Variants in BCORL1 observed in about 807,000 individuals in gnomAD.
BCORL1 encodes the protein BCL-6 corepressor-like protein 1.
A neutral mutation model predicts 87.6 loss-of-function variants in BCORL1; 7 were observed. That is an observed-to-expected ratio of 0.08 (90% CI 0.05 to 0.15). The LOEUF is 0.15. BCORL1 is among the 10% of genes least tolerant of loss of function. The probability of loss-of-function intolerance (pLI) is 1.00; values close to 1 mark genes in which losing one functional copy is unlikely to be tolerated. For missense variants in BCORL1, 1,215 were observed against 1,499.7 expected, an observed-to-expected ratio of 0.81 and a Z score of 3.13; for synonymous variants, 591 against 634.4, an observed-to-expected ratio of 0.93 and a Z score of 1.03.
At chrX:130,009,210 A>T (rs1426035818) in intron 2 of BCORL1, among the ~76,000 whole-genome samples, 2 of 111,259 alleles carry the variant, frequency 1.8e-5, no homozygotes, top group Non-Finnish European at 3.8e-5. Context: ...CACGCCTATA[A>T]TCCCAGCACT....
At chrX:130,034,420 C>G in intron 8 of BCORL1, 35 bp from the exon 9 acceptor site, 2 of 958,892 alleles carry the variant, frequency 2.1e-6, no homozygotes, top group South Asian at 4.0e-5. Context: ...GCTGCCTGGC[C>G]TGACCTGACC....
intron 2 of BCORL1, chrX:130,010,396 G>A (rs781587146): frequency 9.0e-6 from 1 of 110,950 alleles, no homozygotes; most frequent in African/African-American, 3.3e-5. Context: ...TGATGTGAAA[G>A]TATGTTTTCC....
chrX:130,029,254 T>C (rs1046309460), intron 8 of BCORL1, among the ~76,000 whole-genome samples: 3 of 111,256 alleles, frequency 2.7e-5, no homozygotes, highest in Non-Finnish European at 3.8e-5. Flanking sequence ...GATTTTAAGG[T>C]CCAGACAAAG....
intron 11 of BCORL1, 93 bp downstream of exon 11, chrX:130,039,375 G>A: frequency 9.5e-7 from 1 of 1,057,916 alleles, no homozygotes. Flanking sequence ...CTTCCACCTT[G>A]AACAGCTCCC....
intron 1 of BCORL1, among the ~76,000 whole-genome samples, chrX:129,991,799 A>G (rs2124339100): frequency 9.9e-6 from 1 of 101,429 alleles, no homozygotes; most frequent in Admixed American, 1.1e-4. Context: ...CTGGGATTGC[A>G]GGCGCCCGCC....
chrX:130,011,217 G>A (rs1156330059), intron 2 of BCORL1, among the ~76,000 whole-genome samples: 1 of 108,022 alleles, frequency 9.3e-6, no homozygotes, highest in African/African-American at 3.4e-5. Flanking sequence ...CCAAGGGCAG[G>A]GGGCAATAGT....
At chrX:130,023,998 T>C (rs1177004164) in intron 6 of BCORL1, among the ~76,000 whole-genome samples, 1 of 112,535 alleles carries the variant, frequency 8.9e-6, no homozygotes, top group Non-Finnish European at 1.9e-5. Context: ...TGACTTCGCT[T>C]GGGTCTGGGG....
chrX:130,045,719 G>A (rs946007664), intron 11 of BCORL1, among the ~76,000 whole-genome samples: 1 of 111,210 alleles, frequency 9.0e-6, no homozygotes, highest in African/African-American at 3.3e-5. Flanking sequence ...CCGGGTTCAA[G>A]CAATCCTCCT....
At chrX:130,053,204 G>T (rs1173842658) in intron 13 of BCORL1, among the ~76,000 whole-genome samples, 2 of 111,686 alleles carry the variant, frequency 1.8e-5, no homozygotes, top group Non-Finnish European at 3.8e-5. Context: ...GGGGAGCTAG[G>T]TAGACGATGG....
chrX:129,988,718 G>A (rs1365426677), intron 1 of BCORL1, among the ~76,000 whole-genome samples: 1 of 111,717 alleles, frequency 9.0e-6, no homozygotes, highest in East Asian at 2.8e-4. Context: ...CTTCTTTACC[G>A]TGGGTCTGCT....
chrX:130,025,861 A>G (rs1930216690), intron 7 of BCORL1, among the ~76,000 whole-genome samples: 1 of 111,118 alleles, frequency 9.0e-6, no homozygotes, highest in Non-Finnish European at 1.9e-5. Context: ...CTTCAAGTAG[A>G]AACGGGCACA....
intron 4 of BCORL1, among the ~76,000 whole-genome samples, chrX:130,019,218 G>A (rs1466196246): frequency 8.9e-6 from 1 of 112,284 alleles, no homozygotes; most frequent in Non-Finnish European, 1.9e-5. Context: ...CGCTGGCCTT[G>A]GCTTCCCGAG....
intron 1 of BCORL1, among the ~76,000 whole-genome samples, chrX:129,999,820 C>G (rs1334934436): frequency 1.8e-5 from 2 of 109,583 alleles, no homozygotes; most frequent in Admixed American, 9.9e-5. Flanking sequence ...ATTACAGGTG[C>G]CTGCCACCAC....
At chrX:130,024,827 G>C (rs1208576841) in intron 6 of BCORL1, among the ~76,000 whole-genome samples, 163 bp from the exon 7 acceptor site, 1 of 111,863 alleles carries the variant, frequency 8.9e-6, no homozygotes, top group Non-Finnish European at 1.9e-5. Flanking sequence ...TTATAGATGA[G>C]GAGACTGCAC....
intron 1 of BCORL1, among the ~76,000 whole-genome samples, chrX:129,988,500 T>A (rs937459412): frequency 9.0e-6 from 1 of 111,529 alleles, no homozygotes; most frequent in Non-Finnish European, 1.9e-5. Context: ...GCAGGCTGCA[T>A]GTCAAGGTCA....
At position 130,015,473 on chromosome X, in the gene BCORL1, C is replaced by T. The variant is rs773511187; in HGVS notation, c.2701C>T (p.Pro901Ser). 8.2e-7 allele frequency: 1 copy of T among 1,212,151 alleles called. No homozygotes were observed. The highest frequency in any genetic ancestry group is 1.1e-6 in the Non-Finnish European group (1 of 895,536). The change falls in exon 4 of 14, where the codon CCT (proline) becomes TCT (serine). Residue 901 changes from proline (P) to serine (S), a missense_variant. Physicochemically the swap from Pro to Ser is moderately conservative, Grantham distance 74. Transcript: ENST00000540052. ...PGGSFVPEQD[P>S]VTKNKTCRIA... ...GGGCTCCTTCGTTCCAGAGCAGGAC[C>T]CTGTTACAAAGAACAAAACTTGCCG... is the stretch of plus-strand genomic sequence containing the variant.
chrX:130,015,160 G>C lies in BCORL1; in HGVS notation c.2388G>C (p.Gly796=). The C allele has an allele frequency of 8.2e-7, 1 of 1,212,330 alleles. No individual in the cohort carries two copies. Among genetic ancestry groups the C allele is most frequent in the Non-Finnish European group, 1.1e-6 (1 of 895,628 alleles). Reference sequence around the variant, plus strand: ...CCCGCATTGCCCCTGGGCTGCCAGGGTGCCAAACCAAGGAACTCTCTTTGT... The same window carrying C: ...CCCGCATTGCCCCTGGGCTGCCAGGCTGCCAAACCAAGGAACTCTCTTTGT... The part of the protein sequence containing the change: ...TPARIAPGLP[G]CQTKELSLWK... The change falls in exon 4 of 14, where the codon GGG becomes GGC. Residue 796 remains glycine, a synonymous_variant. Transcript: ENST00000540052.
Position 130,039,155 on chromosome X carries a change from G to A in BCORL1, c.4713G>A (p.Val1571=), listed in dbSNP as rs780090898. 2 of 1,211,505 alleles carry A rather than the reference G, an allele frequency of 1.7e-6. No homozygotes were observed. The highest frequency in any genetic ancestry group is 1.7e-5 in the African/African-American group (1 of 57,788). The part of the protein sequence containing the change: ...QDGTRPVHDA[V]VNDNLETIWL... ...TCCACAGGCCAGTTCATGATGCGGTGGTCAATGACAACCTGGAGACCATCT... is the reference window on the plus strand; with the variant it reads ...TCCACAGGCCAGTTCATGATGCGGTAGTCAATGACAACCTGGAGACCATCT... The change falls in exon 11 of 14, where the codon GTG becomes GTA. Residue 1571 remains valine, a synonymous_variant. Coordinates refer to ENST00000540052, the MANE Select transcript of BCORL1 (RefSeq NM_001379451.1).
chrX:130,045,903 C>A (rs1239659170), intron 11 of BCORL1, among the ~76,000 whole-genome samples: 1 of 110,905 alleles, frequency 9.0e-6, no homozygotes, highest in Admixed American at 9.7e-5. Context: ...CAAGTGTGAG[C>A]CATTGCACTG....
Sources: gnomAD v4.1 joint callset for allele counts (sites outside exome capture counted in the v4.1 genomes callset) on GRCh38, gnomAD v4.1.1 for gene constraint, MANE v1.5 for transcripts, NCBI Gene and HGNC (gene_info 2026-07-23, HGNC 2026-07-21) for gene names.